The following DOCK1 variants were observed in gnomAD, a reference collection of about 807,000 sequenced individuals.
The protein encoded by DOCK1 is dedicator of cytokinesis protein 1.
Under a neutral mutation model 262.7 loss-of-function variants are expected in DOCK1, and 138 were observed. The ratio of observed to expected loss-of-function variants is 0.53; its 90% CI spans 0.46 to 0.61. DOCK1 has a LOEUF of 0.61. Ranked by LOEUF, DOCK1 falls within the 20% of genes least tolerant of loss-of-function variation. The probability of loss-of-function intolerance (pLI) is 0.00; values close to 1 mark genes in which losing one functional copy is unlikely to be tolerated. For synonymous variants in DOCK1, 866 were observed against 867.4 expected (o/e 1.00, Z 0.03); for missense variants, 1,908 against 2,370.7 (o/e 0.80, Z 4.05).
At chr10:127,282,756 T>G (rs1189265724) in intron 29 of DOCK1, among the ~76,000 whole-genome samples, 1 of 152,236 alleles carries the variant, frequency 6.6e-6, no homozygotes, top group East Asian at 1.9e-4. Context: ...CAGTTTCTTC[T>G]GACATCTTCG....
At chr10:127,444,518 C>G (rs2070405439) in intron 50 of DOCK1, among the ~76,000 whole-genome samples, 1 of 152,092 alleles carries the variant, frequency 6.6e-6, no homozygotes, top group Non-Finnish European at 1.5e-5. Context: ...AGTGCAGGGT[C>G]TGTCCCAGGG....
chr10:127,087,305 T>C (rs1347403767), intron 23 of DOCK1, among the ~76,000 whole-genome samples: 1 of 152,226 alleles, frequency 6.6e-6, no homozygotes, highest in Non-Finnish European at 1.5e-5. Context: ...AAGTGGATGC[T>C]GAGAAGTTCT....
intron 27 of DOCK1, among the ~76,000 whole-genome samples, chr10:127,188,991 G>A (rs2056523363): frequency 6.6e-6 from 1 of 152,222 alleles, no homozygotes. Flanking sequence ...ACTCCACTGT[G>A]AGCTGGGTCA....
chr10:127,369,754 C>T (rs1369623627), intron 33 of DOCK1, among the ~76,000 whole-genome samples: 1 of 152,060 alleles, frequency 6.6e-6, no homozygotes. Flanking sequence ...GCTTGACGGA[C>T]GTAGGAGGAT....
intron 29 of DOCK1, among the ~76,000 whole-genome samples, chr10:127,272,437 C>A (rs1238996519): frequency 6.6e-6 from 1 of 152,192 alleles, no homozygotes; most frequent in African/African-American, 2.4e-5. Flanking sequence ...GAGATAGATT[C>A]TGCTAAATGC....
At chr10:127,235,693 T>C (rs766648300) in intron 27 of DOCK1, among the ~76,000 whole-genome samples, 8 of 152,136 alleles carry the variant, frequency 5.3e-5, no homozygotes, top group Non-Finnish European at 1.0e-4. Flanking sequence ...ATCAGCTGTA[T>C]ATGAAGCTGC....
intron 21 of DOCK1, among the ~76,000 whole-genome samples, chr10:127,050,079 G>A (rs1274516789): frequency 1.3e-5 from 2 of 148,678 alleles, no homozygotes; most frequent in East Asian, 4.0e-4. Context: ...TATTGAACCG[G>A]CTCTCAGAGG....
chr10:127,366,489 T>C (rs1430411488), intron 33 of DOCK1, among the ~76,000 whole-genome samples: 1 of 152,146 alleles, frequency 6.6e-6, no homozygotes, highest in South Asian at 2.1e-4. Context: ...GTCCTCCCTC[T>C]GTCTCATCTG....
In DOCK1 at chr10:126,905,598, C is replaced by G. The variant is rs751980015; in HGVS notation, c.46+35C>G. ...GCCGCCGCCGCCGCGCCTCTCGCCC[C>G]AAGCCCAGGCTCCGGCGGGGCGGGT... On this transcript the variant is annotated intron_variant, in intron 1 of 51. Coordinates refer to ENST00000623213, the MANE Select transcript of DOCK1 (RefSeq NM_001290223.2). 2.7e-5 allele frequency: 9 copies of G among 334,504 alleles called. No homozygotes were observed. The South Asian group carries it at 8.3e-4, about 31-fold the overall frequency. The allele number at this position is 334,504 out of a possible 1,614,324, so 20.7% of individuals were successfully genotyped here. A position where few individuals can be genotyped will look rare whatever the true frequency, so the allele number is the denominator to read the frequency against.
chr10:127,145,873 C>G (rs980044171), intron 27 of DOCK1: 6 of 402,658 alleles, frequency 1.5e-5, no homozygotes, highest in African/African-American at 8.3e-5. Flanking sequence ...TGTGTGTCAT[C>G]TGGTGTCACC....
At chr10:127,067,033 G>A (rs1300592686) in intron 23 of DOCK1, among the ~76,000 whole-genome samples, 1 of 152,268 alleles carries the variant, frequency 6.6e-6, no homozygotes, top group East Asian at 1.9e-4. Context: ...CAGGCTGGAT[G>A]CTTTGGGCTG....
intron 27 of DOCK1, 29 bp downstream of exon 27, chr10:127,127,793 A>G (rs771208325): frequency 6.3e-7 from 1 of 1,587,156 alleles, no homozygotes; most frequent in Non-Finnish European, 8.6e-7. Flanking sequence ...ATGTTTGGAT[A>G]TTTAACTGGG....
chr10:127,277,291 A>T (rs1015527237), intron 29 of DOCK1, among the ~76,000 whole-genome samples: 21 of 152,240 alleles, frequency 1.4e-4, no homozygotes, highest in Non-Finnish European at 2.5e-4. Context: ...AAGAAAATAC[A>T]TATAGACCTT....
chr10:127,064,275 T>C (rs2045719516), intron 23 of DOCK1, among the ~76,000 whole-genome samples: 1 of 152,154 alleles, frequency 6.6e-6, no homozygotes, highest in Non-Finnish European at 1.5e-5. Context: ...GCCTGGCTAA[T>C]TTTTTTGAAT....
chr10:127,109,301 G>A (rs12247917), intron 24 of DOCK1, among the ~76,000 whole-genome samples: 36,621 of 152,098 alleles, frequency 0.24, 6,301 homozygotes, highest in African/African-American at 0.49. Flanking sequence ...TTGTGTTTAT[G>A]TAGTTACTAA....
chr10:127,325,578 T>G (rs1230070269), intron 29 of DOCK1, among the ~76,000 whole-genome samples: 2 of 152,190 alleles, frequency 1.3e-5, no homozygotes, highest in Non-Finnish European at 2.9e-5. Flanking sequence ...TTAACCACCA[T>G]ATTAACCTGC....
At chr10:127,271,070 T>A (rs2060550245) in intron 29 of DOCK1, among the ~76,000 whole-genome samples, 1 of 152,008 alleles carries the variant, frequency 6.6e-6, no homozygotes, top group South Asian at 2.1e-4. Context: ...CTAGATAAGA[T>A]CCTTGGGTCA....
rs11594560 is a variant in DOCK1, at chr10:127,175,956, G to A, written c.2847+48192G>A. 416,053 of 1,613,982 alleles carry A rather than the reference G, an allele frequency of 0.26. 57,156 individuals carry two copies. The highest frequency in any genetic ancestry group is 0.29 in the South Asian group (26,813 of 91,070). On this transcript the variant is annotated intron_variant, in intron 27 of 51. Coordinates refer to ENST00000623213, the MANE Select transcript of DOCK1 (RefSeq NM_001290223.2). The surrounding 1 kb of genome is among the most constrained non-coding windows in gnomAD (Gnocchi z 6.3). Reference sequence around the variant, plus strand: ...GGGTCCAGCCTCGTTCTTCTCTTTCGCATCTGTTAGAAACCCATTGTTTTG... The same window carrying A: ...GGGTCCAGCCTCGTTCTTCTCTTTCACATCTGTTAGAAACCCATTGTTTTG...
intron 27 of DOCK1, among the ~76,000 whole-genome samples, chr10:127,132,620 CTGTTG>C (rs763701025): frequency 1.8e-4 from 27 of 152,088 alleles, no homozygotes; most frequent in Non-Finnish European, 3.2e-4. Flanking sequence ...GGGATAGGTG[CTGTTG>C]TGTTGTGTGC....
Sources: gnomAD v4.1 joint callset for allele counts (sites outside exome capture counted in the v4.1 genomes callset) on GRCh38, gnomAD v4.1.1 for gene constraint, Gnocchi (gnomAD v3.1) non-coding constraint, MANE v1.5 for transcripts, NCBI Gene and HGNC (gene_info 2026-07-23, HGNC 2026-07-21) for gene names.